Variants in DYNC2I1 observed in about 807,000 individuals in gnomAD.
DYNC2I1 encodes cytoplasmic dynein 2 intermediate chain 1.
Under a neutral mutation model 133.4 loss-of-function variants are expected in DYNC2I1, and 89 were observed. That is an observed-to-expected ratio of 0.67 (90% CI 0.56 to 0.80). DYNC2I1 has a LOEUF of 0.80. Ranked by LOEUF, DYNC2I1 falls within the 30% of genes least tolerant of loss-of-function variation. The probability of loss-of-function intolerance (pLI) is 0.00; values close to 1 mark genes in which losing one functional copy is unlikely to be tolerated. For synonymous variants in DYNC2I1, 504 were observed against 484.3 expected (o/e 1.04, Z -0.54); for missense variants, 1,291 against 1,314.5 (o/e 0.98, Z 0.28).
At position 158,930,479 on chromosome 7, in the gene DYNC2I1, A is replaced by G. The variant is rs2129487514; in HGVS notation, c.2510A>G (p.Lys837Arg). 2 of 1,613,144 alleles carry G rather than the reference A, an allele frequency of 1.2e-6. No homozygotes were observed. The highest frequency in any genetic ancestry group is 1.1e-5 in the South Asian group (1 of 90,636). ...GGTCTGATGCCTGGAGGGAGGGTCA[A>G]GCTGGTACATAGTGCTCTGATCCAG... ...DLGLMPGGRV[K>R]LVHSALIQLG... The change falls in exon 21 of 25, where the codon AAG becomes AGG. Residue 837 changes from lysine (K) to arginine (R), a missense_variant. Transcript: ENST00000407559.
At chr7:158,951,007 C>T (rs1053408787), downstream of DYNC2I1, among the ~76,000 whole-genome samples, 4 of 152,196 alleles carry the variant, frequency 2.6e-5, no homozygotes, top group African/African-American at 9.7e-5. Context: ...TTGTGAGCTA[C>T]TGAATCTGGC....
chr7:158,858,927 CCT>C (rs1178950653), intron 1 of DYNC2I1, among the ~76,000 whole-genome samples: 1 of 40,104 alleles, frequency 2.5e-5, no homozygotes, highest in Admixed American at 2.0e-4. Context: ...TCCCCTCCCC[CCT>C]CCCCTTTCCT....
intron 1 of DYNC2I1, among the ~76,000 whole-genome samples, chr7:158,861,809 G>A (rs1485486061): frequency 2.6e-5 from 4 of 152,332 alleles, no homozygotes; most frequent in South Asian, 4.1e-4. Flanking sequence ...CTTGGATTCA[G>A]TGATGGAAAC....
chr7:158,920,622 G>A (rs1007167029), intron 15 of DYNC2I1, among the ~76,000 whole-genome samples: 2 of 147,238 alleles, frequency 1.4e-5, no homozygotes, highest in Non-Finnish European at 3.0e-5. Context: ...TGTGGCCTCC[G>A]TTGGGGAACT....
At chr7:158,915,334 G>A (rs1251766076) in intron 14 of DYNC2I1, among the ~76,000 whole-genome samples, 1 of 150,210 alleles carries the variant, frequency 6.7e-6, no homozygotes, top group Non-Finnish European at 1.5e-5. Flanking sequence ...CATTAAGGAT[G>A]ATTGTGAAAC....
At chr7:158,926,104 C>G in intron 17 of DYNC2I1, 83 bp from the exon 18 acceptor site, 1 of 1,102,454 alleles carries the variant, frequency 9.1e-7, no homozygotes, top group Non-Finnish European at 1.4e-6. Flanking sequence ...CCAGAAGCAC[C>G]TCGTGTTTGT....
chr7:158,914,355 G>A (rs1335525486), intron 14 of DYNC2I1, 34 bp downstream of exon 14: 5 of 1,545,578 alleles, frequency 3.2e-6, no homozygotes, highest in South Asian at 1.2e-5. Flanking sequence ...TGTTCTCTGT[G>A]TAAGTGCTTA....
At chr7:158,886,870 G>A (rs984559746) in intron 6 of DYNC2I1, 151 bp from the exon 7 acceptor site, 1 of 715,248 alleles carries the variant, frequency 1.4e-6, no homozygotes, top group Non-Finnish European at 2.3e-6. Context: ...CAAATAGCTG[G>A]GATTACAGGT....
chr7:158,891,219 A>T (rs1172127551), intron 7 of DYNC2I1, 46 bp from the exon 8 acceptor site: 2 of 1,608,560 alleles, frequency 1.2e-6, no homozygotes, highest in Non-Finnish European at 1.7e-6. Context: ...TGTGCCCTGG[A>T]GTCCCACCTG....
At chr7:158,934,592 GTT>G in intron 23 of DYNC2I1, 43 bp downstream of exon 23, 1 of 1,539,188 alleles carries the variant, frequency 6.5e-7, no homozygotes, top group South Asian at 1.2e-5. Context: ...TTCTTTTTTT[GTT>G]TTTTGAGACA....
chr7:158,913,291 G>C (rs534568207), intron 13 of DYNC2I1, among the ~76,000 whole-genome samples, 195 bp downstream of exon 13: 8 of 152,232 alleles, frequency 5.3e-5, no homozygotes, highest in Admixed American at 2.6e-4. Context: ...TGAACTACAA[G>C]TGGGAGGAAA....
intron 1 of DYNC2I1, among the ~76,000 whole-genome samples, chr7:158,865,890 C>G (rs1842361203): frequency 6.6e-6 from 1 of 152,098 alleles, no homozygotes; most frequent in African/African-American, 2.4e-5. Flanking sequence ...GTTTGAAACT[C>G]TAGAGGGAGA....
the DYNC2I1 span, among the ~76,000 whole-genome samples, chr7:158,841,178 TA>T: frequency 1.7e-3 from 17 of 9,836 alleles, 1 homozygote; most frequent in South Asian, 0.016. Flanking sequence ...TATATATATA[TA>T]TATATATATA....
chr7:158,853,625 A>T (rs1271738104), upstream of DYNC2I1, among the ~76,000 whole-genome samples: 1 of 150,946 alleles, frequency 6.6e-6, no homozygotes, highest in African/African-American at 2.4e-5. Flanking sequence ...AATTTAATTC[A>T]CGCAGAGCCG....
chr7:158,952,480 C>T (rs567413129), intron 4 of DYNC2I1, among the ~76,000 whole-genome samples: 2 of 152,244 alleles, frequency 1.3e-5, no homozygotes, highest in Admixed American at 6.5e-5. Flanking sequence ...TCTCCAATGC[C>T]AGTTGGATTT....
chr7:158,860,089 C>G (rs1027842684), intron 1 of DYNC2I1, among the ~76,000 whole-genome samples: 3 of 148,992 alleles, frequency 2.0e-5, no homozygotes, highest in African/African-American at 7.4e-5. Context: ...AAGTCTCACT[C>G]TTGTCCCCTA....
chr7:158,910,196 A>G (rs1471769227), intron 11 of DYNC2I1, among the ~76,000 whole-genome samples: 1 of 152,282 alleles, frequency 6.6e-6, no homozygotes, highest in Non-Finnish European at 1.5e-5. Context: ...AGGAAAACCC[A>G]GCACAGGCGA....
rs951204429 is a variant in DYNC2I1 at position 158,882,106 on chromosome 7, G to C, written c.879+2117G>C. On this transcript the variant is annotated intron_variant, in intron 5 of 24. Transcript: ENST00000407559. The stretch of plus-strand genomic sequence containing the variant: ...CACTGCCTTCAAATTAGTCCCAGAA[G>C]AAAGATTATTCAGACGACTGACATT... 8.5e-5 allele frequency among the ~76,000 whole-genome samples: 13 copies of C among 152,198 alleles called. No individual in the cohort carries two copies. The East Asian group carries it at 2.5e-3, about 29-fold the overall frequency.
In DYNC2I1 at chr7:158,902,600, A is replaced by C; in HGVS notation, c.1357+5A>C. 1 of 1,612,764 alleles carries C rather than the reference A, an allele frequency of 6.2e-7. No homozygotes were observed. Among genetic ancestry groups the C allele is most frequent in the Non-Finnish European group, 8.5e-7 (1 of 1,179,416 alleles). On this transcript the variant is annotated splice_donor_5th_base_variant and intron_variant, in intron 10 of 24. Transcript: ENST00000407559. The stretch of plus-strand genomic sequence containing the variant: ...TTGAAAAGGAGCCCAGGACAGGTAA[A>C]CAAATCAATGCTACTAATGGTGTCC...
Sources: gnomAD v4.1 joint callset for allele counts (sites outside exome capture counted in the v4.1 genomes callset) on GRCh38, gnomAD v4.1.1 for gene constraint, MANE v1.5 for transcripts, NCBI Gene and HGNC (gene_info 2026-07-23, HGNC 2026-07-21) for gene names.